Variants in CCSER2 observed in about 807,000 individuals in gnomAD.
The protein encoded by CCSER2 is serine-rich coiled-coil domain-containing protein 2.
A neutral mutation model predicts 92.3 loss-of-function variants in CCSER2; 46 were observed. That is an observed-to-expected ratio of 0.50 (90% CI 0.39 to 0.64). The LOEUF is 0.64. Among genes scored for constraint, CCSER2 ranks in the 30% least tolerant of loss-of-function variants. The probability of loss-of-function intolerance (pLI) is 0.00; values close to 1 mark genes in which losing one functional copy is unlikely to be tolerated. For missense variants in CCSER2, 1,244 were observed against 1,238.9 expected (o/e 1.00, Z -0.06); for synonymous variants, 433 against 431.4 (o/e 1.00, Z -0.04).
chr10:84,394,982 G>C (rs1841747898), intron 3 of CCSER2, among the ~76,000 whole-genome samples: 1 of 152,086 alleles, frequency 6.6e-6, no homozygotes, highest in Non-Finnish European at 1.5e-5. Context: ...CCAGCACTTT[G>C]TGAGGCTGAG....
Position 84,371,616 on chromosome 10 carries a change from T to A in CCSER2, c.564T>A (p.Pro188=), listed in dbSNP as rs1243787255. The change falls in exon 2 of 10, where the codon CCT becomes CCA. Residue 188 remains proline (P), a synonymous_variant. Coordinates refer to ENST00000372088, the MANE Select transcript of CCSER2 (RefSeq NM_001284240.2). ...GATCAGCTGGTAGCATGCAAAGGCC[T>A]AGAGCGAACTCCTGTGCCACCAGAA... ...GNRSAGSMQR[P]RANSCATRSS... 6.2e-7 allele frequency: 1 copy of A among 1,613,634 alleles called. No individual in the cohort carries two copies. Among genetic ancestry groups the A allele is most frequent in the Non-Finnish European group, 8.5e-7 (1 of 1,179,686 alleles).
intron 1 of CCSER2, among the ~76,000 whole-genome samples, chr10:84,370,524 G>A (rs1390260861): frequency 3.3e-5 from 5 of 152,036 alleles, no homozygotes; most frequent in East Asian, 1.9e-4. Flanking sequence ...GGAGGAGTCC[G>A]TAGGATTTTC....
chr10:84,454,752 A>G (rs1845503092), intron 6 of CCSER2: 1 of 168,144 alleles, frequency 5.9e-6, no homozygotes, highest in South Asian at 1.7e-4. Context: ...GGTTCATATC[A>G]TTATCTCCTT....
At chr10:84,407,593 A>G (rs757166117) in intron 3 of CCSER2, among the ~76,000 whole-genome samples, 34 of 152,240 alleles carry the variant, frequency 2.2e-4, no homozygotes, top group Non-Finnish European at 4.4e-4. Context: ...GGCCACTGAC[A>G]TATGCCACAT....
chr10:84,404,690 T>C (rs989133485), intron 3 of CCSER2, among the ~76,000 whole-genome samples: 2 of 152,198 alleles, frequency 1.3e-5, no homozygotes, highest in East Asian at 3.8e-4. Context: ...TTCCTATAAC[T>C]AATAAGTGAG....
chr10:84,399,752 C>G (rs1389956786), intron 3 of CCSER2, among the ~76,000 whole-genome samples: 1 of 145,876 alleles, frequency 6.9e-6, no homozygotes, highest in African/African-American at 2.5e-5. Context: ...TTCATTTTCT[C>G]TTTGTTTTCA....
chr10:84,441,775 T>G (rs1844577843), intron 6 of CCSER2, among the ~76,000 whole-genome samples: 1 of 112,178 alleles, frequency 8.9e-6, no homozygotes, highest in Non-Finnish European at 1.7e-5. Flanking sequence ...TTTTTTTTTT[T>G]TGAGACGAAG....
At chr10:84,355,269 A>G (rs1465586987) in intron 1 of CCSER2, among the ~76,000 whole-genome samples, 2 of 151,878 alleles carry the variant, frequency 1.3e-5, no homozygotes. Flanking sequence ...TTTTTCCACT[A>G]TTCTTCCTTT....
At chr10:84,400,742 C>T (rs1237823426) in intron 3 of CCSER2, among the ~76,000 whole-genome samples, 1 of 151,928 alleles carries the variant, frequency 6.6e-6, no homozygotes. Context: ...GACGAATCCT[C>T]ATCTCTACTA....
At chr10:84,497,491 G>C (rs1848515413) in intron 9 of CCSER2, among the ~76,000 whole-genome samples, 1 of 152,184 alleles carries the variant, frequency 6.6e-6, no homozygotes, top group South Asian at 2.1e-4. Context: ...TGATTTGTTG[G>C]TCTTGGGGAA....
chr10:84,462,904 T>C (rs1297097523), intron 6 of CCSER2, among the ~76,000 whole-genome samples: 1 of 152,156 alleles, frequency 6.6e-6, no homozygotes, highest in African/African-American at 2.4e-5. Context: ...CTGAGGAAGA[T>C]TGCAATGTTA....
intron 1 of CCSER2, among the ~76,000 whole-genome samples, chr10:84,338,789 C>T (rs1843995551): frequency 6.6e-6 from 1 of 152,130 alleles, no homozygotes; most frequent in Non-Finnish European, 1.5e-5. Context: ...ACTGTAACTG[C>T]TTATGATTAT....
chr10:84,400,359 C>T (rs978753391), intron 3 of CCSER2, among the ~76,000 whole-genome samples: 21 of 152,068 alleles, frequency 1.4e-4, no homozygotes, highest in Admixed American at 1.2e-3. Flanking sequence ...TTAAAAAAGT[C>T]GGGGTTTTGC....
At chr10:84,358,143 T>C (rs1845290939) in intron 1 of CCSER2, among the ~76,000 whole-genome samples, 1 of 152,166 alleles carries the variant, frequency 6.6e-6, no homozygotes, top group Non-Finnish European at 1.5e-5. Flanking sequence ...GGTTAGGGTC[T>C]AAAGTTAGCA....
At chr10:84,441,734 ATGTTTT>A (rs1265386300) in intron 6 of CCSER2, among the ~76,000 whole-genome samples, 2,777 of 106,298 alleles carry the variant, frequency 0.026, 158 homozygotes, top group Non-Finnish European at 0.039. Flanking sequence ...GACTGGGAAA[ATGTTTT>A]TTTTTTTTTT....
intron 6 of CCSER2, among the ~76,000 whole-genome samples, chr10:84,439,034 A>G (rs1844360888): frequency 6.6e-6 from 1 of 152,228 alleles, no homozygotes; most frequent in Admixed American, 6.5e-5. Context: ...GGCTAATCCA[A>G]TGCCTGAAAC....
intron 5 of CCSER2, among the ~76,000 whole-genome samples, chr10:84,436,790 G>T (rs190805524): frequency 6.6e-6 from 1 of 152,174 alleles, no homozygotes; most frequent in African/African-American, 2.4e-5. Flanking sequence ...TTAAAAGAAA[G>T]TTGGGCCTGA....
chr10:84,501,283 G>A (rs1342679179), intron 9 of CCSER2, among the ~76,000 whole-genome samples: 4 of 152,034 alleles, frequency 2.6e-5, no homozygotes, highest in Non-Finnish European at 4.4e-5. Context: ...AATTTCAAAG[G>A]GCAGATACAA....
chr10:84,341,538 G>A (rs1189950875), intron 1 of CCSER2, among the ~76,000 whole-genome samples: 1 of 151,878 alleles, frequency 6.6e-6, no homozygotes, highest in Non-Finnish European at 1.5e-5. Flanking sequence ...TGGACACCAA[G>A]CAATTCTGAC....
Sources: gnomAD v4.1 joint callset for allele counts (sites outside exome capture counted in the v4.1 genomes callset) on GRCh38, gnomAD v4.1.1 for gene constraint, MANE v1.5 for transcripts, NCBI Gene and HGNC (gene_info 2026-07-23, HGNC 2026-07-21) for gene names.